Variants in PDE4D observed in about 807,000 individuals in gnomAD.
PDE4D encodes the protein 3',5'-cyclic-AMP phosphodiesterase 4D.
In PDE4D, 24 loss-of-function variants were observed where a neutral mutation model predicts 87.4. That is an observed-to-expected ratio of 0.27 (90% CI 0.20 to 0.39). The LOEUF is 0.39. Among genes scored for constraint, PDE4D ranks in the 10% least tolerant of loss-of-function variants. PDE4D has a pLI of 1.00. For synonymous variants in PDE4D, 384 were observed against 383.2 expected, an observed-to-expected ratio of 1.00 and a Z score of -0.02; for missense variants, 714 against 1,041.0, an observed-to-expected ratio of 0.69 and a Z score of 4.32.
chr5:59,405,481 C>A (rs6893986), intron 1 of PDE4D, among the ~76,000 whole-genome samples: 26,316 of 152,068 alleles, frequency 0.17, 3,061 homozygotes, highest in African/African-American at 0.32. Context: ...TTGGTGAAGT[C>A]TTTAGGTTTT....
intron 3 of PDE4D, among the ~76,000 whole-genome samples, chr5:59,947,458 G>GCC (rs1158211082): frequency 2.6e-5 from 4 of 152,146 alleles, no homozygotes; most frequent in African/African-American, 9.7e-5. Flanking sequence ...CAGATTGTAA[G>GCC]TCTTACATTT....
rs34526503 is a variant in PDE4D, at chr5:59,812,672, CA to C, written c.455+80495del. ...CAGGTGACAAAGTGAGACTCCATCT[CA>C]AAAAAAAAAAAGTAAATAAATAAAA... is the stretch of plus-strand genomic sequence containing the variant. On this transcript the variant is annotated intron_variant, in intron 1 of 14. Transcript: ENST00000340635. Among the ~76,000 whole-genome samples, 708 of 138,264 alleles carry C rather than the reference CA, an allele frequency of 5.1e-3. 25 individuals are homozygous for C. The East Asian group carries it at 0.11, about 21-fold the overall frequency. 90.7% of individuals were successfully genotyped at this position (138,264 alleles called of 152,430 possible).
intron 1 of PDE4D, among the ~76,000 whole-genome samples, chr5:59,770,499 GAAAA>G (rs1481740792): frequency 6.6e-6 from 1 of 152,110 alleles, no homozygotes; most frequent in East Asian, 1.9e-4. Flanking sequence ...TGGAAAGAAA[GAAAA>G]GAAAGAAGTG....
chr5:59,375,933 A>G, intron 1 of PDE4D, among the ~76,000 whole-genome samples: 1 of 152,220 alleles, frequency 6.6e-6, no homozygotes, highest in South Asian at 2.1e-4. Context: ...CTAAAGACAA[A>G]AAACACATGA....
intron 1 of PDE4D, among the ~76,000 whole-genome samples, chr5:60,379,356 C>T (rs191601041): frequency 7.9e-5 from 12 of 152,164 alleles, no homozygotes; most frequent in Admixed American, 3.3e-4. Context: ...TTCTTATTTC[C>T]GGTATATTTT....
Position 59,893,268 on chromosome 5 carries a change from G to T in PDE4D, c.355C>A (p.Arg119Ser). 1.9e-6 allele frequency: 3 copies of T among 1,551,402 alleles called. No homozygotes were observed. The highest frequency in any genetic ancestry group is 2.6e-6 in the Non-Finnish European group (3 of 1,147,176). Reference protein sequence around the residue: ...YSDTERYLYCRAMDRTSYAVE... With the variant: ...YSDTERYLYCSAMDRTSYAVE... ...GCGTAGGAGGTGCGGTCCATGGCGC[G>T]ACAGTACAGGTAGCGCTCGGTGTCC... The change falls in exon 1 of 15, where the codon CGC becomes AGC. Residue 119 changes from arginine to serine, a missense_variant. Coordinates refer to ENST00000340635, the MANE Select transcript of PDE4D (RefSeq NM_001104631.2).
intron 1 of PDE4D, among the ~76,000 whole-genome samples, chr5:59,484,556 C>G (rs1804784200): frequency 6.6e-6 from 1 of 152,170 alleles, no homozygotes; most frequent in Non-Finnish European, 1.5e-5. Context: ...CCTTCTAGAA[C>G]AAACAAATGA....
intron 1 of PDE4D, among the ~76,000 whole-genome samples, chr5:59,241,782 C>T (rs962018504): frequency 1.3e-5 from 2 of 152,068 alleles, no homozygotes; most frequent in Admixed American, 6.6e-5. Context: ...TTAAGGTATC[C>T]TATTTTGGTC....
intron 5 of PDE4D, among the ~76,000 whole-genome samples, chr5:59,115,801 C>T (rs533082152): frequency 7.9e-5 from 12 of 152,178 alleles, no homozygotes; most frequent in Non-Finnish European, 1.8e-4. Flanking sequence ...ATGGACCACT[C>T]TGAGCTTACT....
chr5:60,104,809 C>G (rs887983331), intron 2 of PDE4D, among the ~76,000 whole-genome samples: 34 of 152,304 alleles, frequency 2.2e-4, no homozygotes, highest in Admixed American at 5.2e-4. Context: ...GGTCCTGTCT[C>G]TTAGAAGGAA....
At chr5:60,093,518 A>C (rs1160078304) in intron 2 of PDE4D, among the ~76,000 whole-genome samples, 1 of 152,212 alleles carries the variant, frequency 6.6e-6, no homozygotes, top group Non-Finnish European at 1.5e-5. Flanking sequence ...GCCTGGGTAG[A>C]GAAATCAGGC....
intron 1 of PDE4D, among the ~76,000 whole-genome samples, chr5:59,435,340 G>A (rs917146825): frequency 2.6e-5 from 4 of 152,086 alleles, no homozygotes; most frequent in Non-Finnish European, 5.9e-5. Context: ...GCACAGAGAT[G>A]CTCTATTGTT....
intron 1 of PDE4D, among the ~76,000 whole-genome samples, chr5:60,458,800 C>T (rs1157873651): frequency 6.6e-6 from 1 of 151,980 alleles, no homozygotes; most frequent in Non-Finnish European, 1.5e-5. Flanking sequence ...AGTGCACCTC[C>T]TCAATATGCC....
intron 5 of PDE4D, among the ~76,000 whole-genome samples, chr5:59,137,901 A>T (rs776959800): frequency 3.3e-5 from 5 of 152,222 alleles, no homozygotes; most frequent in Non-Finnish European, 5.9e-5. Context: ...TCAGTAATTT[A>T]TATGCTTCTG....
intron 1 of PDE4D, among the ~76,000 whole-genome samples, chr5:60,323,274 C>T (rs1397103264): frequency 6.6e-6 from 1 of 152,160 alleles, no homozygotes; most frequent in African/African-American, 2.4e-5. Context: ...CAAAGTCACC[C>T]TAAACCAAAC....
chr5:59,652,614 G>A lies in PDE4D; in HGVS notation c.455+240554C>T, dbSNP rs557598137. Among the ~76,000 whole-genome samples the A allele has an allele frequency of 9.9e-5, 15 of 152,236 alleles. No individual in the cohort carries two copies. The South Asian group carries it at 2.9e-3, about 30-fold the overall frequency. On this transcript the variant is annotated intron_variant, in intron 1 of 14. Coordinates refer to ENST00000340635, the MANE Select transcript of PDE4D (RefSeq NM_001104631.2). ...AATTAAGAGGTGTGCATTTCACTGT[G>A]GCTTTTAAACTTTCCTTATGACTGT...
chr5:59,953,522 C>T (rs1346412503), intron 3 of PDE4D, among the ~76,000 whole-genome samples: 2 of 152,026 alleles, frequency 1.3e-5, no homozygotes, highest in African/African-American at 2.4e-5. Context: ...AACATTAATC[C>T]GATCAGAAAA....
chr5:59,513,398 A>G (rs1191513376), intron 1 of PDE4D, among the ~76,000 whole-genome samples: 1 of 152,228 alleles, frequency 6.6e-6, no homozygotes, highest in Non-Finnish European at 1.5e-5. Context: ...CTCCTAAAAA[A>G]TAATGCATTA....
intron 6 of PDE4D, among the ~76,000 whole-genome samples, chr5:59,034,725 T>C (rs1436752940): frequency 1.3e-5 from 2 of 152,176 alleles, no homozygotes; most frequent in Admixed American, 1.3e-4. Flanking sequence ...ATGACCACAT[T>C]TGTAAAGCTG....
Sources: allele counts gnomAD v4.1 joint callset (sites outside exome capture counted in the v4.1 genomes callset), GRCh38; gene constraint gnomAD v4.1.1; transcripts MANE v1.5; gene names NCBI Gene and HGNC (gene_info 2026-07-23, HGNC 2026-07-21).